ST7: variants seen among roughly 807,000 people sequenced by gnomAD.
ST7 encodes suppression of tumorigenicity 7.
Under a neutral mutation model 78.7 loss-of-function variants are expected in ST7, and 28 were observed. That is an observed-to-expected ratio of 0.36 (90% CI 0.26 to 0.49). The LOEUF (loss-of-function observed/expected upper bound fraction) is 0.49, where lower values mean the gene tolerates loss of function less well. ST7 is among the 20% of genes least tolerant of loss of function. The pLI is 0.99. For missense variants in ST7, 418 were observed against 696.0 expected (o/e 0.60, Z 4.49); for synonymous variants, 247 against 249.6 (o/e 0.99, Z 0.10).
chr7:117,226,084 A>G (rs1417678600), intron 15 of ST7, among the ~76,000 whole-genome samples: 1 of 151,964 alleles, frequency 6.6e-6, no homozygotes, highest in Non-Finnish European at 1.5e-5. Flanking sequence ...TCTGACTCTC[A>G]TGTTCACTTA....
At chr7:117,081,262 T>C (rs1466462925) in intron 1 of ST7, among the ~76,000 whole-genome samples, 2 of 152,136 alleles carry the variant, frequency 1.3e-5, no homozygotes, top group African/African-American at 2.4e-5. Flanking sequence ...AGTAGGTACC[T>C]AACATGGCCC....
intron 12 of ST7, among the ~76,000 whole-genome samples, chr7:117,192,684 G>C (rs1395898388): frequency 6.6e-6 from 1 of 152,114 alleles, no homozygotes; most frequent in Admixed American, 6.5e-5. Context: ...TGGGGCACAA[G>C]ACAGAAAATC....
chr7:117,167,979 G>A (rs1807698791), intron 9 of ST7, among the ~76,000 whole-genome samples: 1 of 152,242 alleles, frequency 6.6e-6, no homozygotes. Context: ...AGGAAGTTGT[G>A]GGCTTTTCTC....
At chr7:117,158,496 G>A (rs1202840267) in intron 9 of ST7, among the ~76,000 whole-genome samples, 1 of 152,158 alleles carries the variant, frequency 6.6e-6, no homozygotes, top group African/African-American at 2.4e-5. Context: ...CTTCTCTTTA[G>A]TTCTCAATGA....
chr7:117,015,593 T>C lies in ST7; in HGVS notation c.151+61902T>C, dbSNP rs1795567871. On this transcript the variant is annotated intron_variant, in intron 1 of 15. Coordinates refer to ENST00000323984, the MANE Select transcript of ST7 (RefSeq NM_001369598.1). ...TTTCTCAATCTCTAGTTTCACTGAATGGTAAATTGGTACATGTTTAGAAAT... is the reference window on the plus strand; with the variant it reads ...TTTCTCAATCTCTAGTTTCACTGAACGGTAAATTGGTACATGTTTAGAAAT... Among the ~76,000 whole-genome samples, 5 of 152,216 alleles carry C rather than the reference T, an allele frequency of 3.3e-5. No homozygotes were observed. In the South Asian group the frequency reaches 1.0e-3, roughly 32 times the overall value.
chr7:117,149,889 G>A (rs10270160), intron 9 of ST7, among the ~76,000 whole-genome samples: 10,791 of 152,026 alleles, frequency 0.071, 515 homozygotes, highest in East Asian at 0.19. Context: ...CGGGCAACTG[G>A]CTTATCATTT....
At chr7:117,142,482 A>G (rs1335051688) in intron 9 of ST7, among the ~76,000 whole-genome samples, 3 of 116,656 alleles carry the variant, frequency 2.6e-5, no homozygotes, top group African/African-American at 4.9e-5. Context: ...CCCAGTTGTG[A>G]AAAAAAAAAG....
intron 1 of ST7, among the ~76,000 whole-genome samples, chr7:117,022,666 G>T (rs909921458): frequency 3.3e-5 from 5 of 152,082 alleles, no homozygotes; most frequent in Non-Finnish European, 7.4e-5. Context: ...CTAAATTATC[G>T]TAAGAAATAC....
chr7:117,041,927 A>G (rs944384140), intron 1 of ST7, among the ~76,000 whole-genome samples: 1 of 152,212 alleles, frequency 6.6e-6, no homozygotes. Flanking sequence ...AAGGGTCCTT[A>G]AATGTCGAAG....
intron 1 of ST7, chr7:117,072,214 C>T (rs182467518): frequency 9.9e-5 from 15 of 152,244 alleles, no homozygotes; most frequent in African/African-American, 2.9e-4. Flanking sequence ...AAAAGAAATA[C>T]AGCATAGATC....
chr7:117,192,629 G>A (rs1262984985), intron 12 of ST7, among the ~76,000 whole-genome samples: 1 of 152,084 alleles, frequency 6.6e-6, no homozygotes, highest in African/African-American at 2.4e-5. Context: ...CTCATATCTA[G>A]GAACCAGATC....
At chr7:117,102,588 A>G (rs899449343) in intron 2 of ST7, among the ~76,000 whole-genome samples, 1 of 152,196 alleles carries the variant, frequency 6.6e-6, no homozygotes, top group Admixed American at 6.5e-5. Context: ...AACTTTATTA[A>G]TTAAAAAATA....
At chr7:117,047,176 C>T (rs1285041823) in intron 1 of ST7, among the ~76,000 whole-genome samples, 1 of 152,120 alleles carries the variant, frequency 6.6e-6, no homozygotes, top group Non-Finnish European at 1.5e-5. Flanking sequence ...TTTTGATGTT[C>T]TTATGGGTTC....
At chr7:117,194,166 A>G (rs1328464874) in intron 12 of ST7, among the ~76,000 whole-genome samples, 1 of 152,220 alleles carries the variant, frequency 6.6e-6, no homozygotes, top group Non-Finnish European at 1.5e-5. Context: ...ACTAGTAAAG[A>G]GGAAGCAAAC....
chr7:117,048,025 T>G (rs1010570895), intron 1 of ST7, among the ~76,000 whole-genome samples: 1 of 152,218 alleles, frequency 6.6e-6, no homozygotes, highest in African/African-American at 2.4e-5. Context: ...CAACGCATAT[T>G]TTGTATAAGT....
intron 1 of ST7, among the ~76,000 whole-genome samples, chr7:117,080,076 GT>G (rs1799650247): frequency 6.8e-6 from 1 of 145,998 alleles, no homozygotes; most frequent in African/African-American, 2.5e-5. Flanking sequence ...CGCCTCCCGG[GT>G]TCACGCCATT....
chr7:116,980,972 C>T (rs528511149), intron 1 of ST7, among the ~76,000 whole-genome samples: 1 of 152,172 alleles, frequency 6.6e-6, no homozygotes, highest in South Asian at 2.1e-4. Context: ...ATTTAGTAGC[C>T]GTGTCTCTCC....
intron 1 of ST7, among the ~76,000 whole-genome samples, chr7:117,006,892 G>A (rs1298283505): frequency 1.3e-5 from 2 of 152,130 alleles, no homozygotes; most frequent in Non-Finnish European, 2.9e-5. Flanking sequence ...TTGTTTTGGG[G>A]TGCCGCAAAC....
chr7:116,977,929 C>T (rs546527174), intron 1 of ST7, among the ~76,000 whole-genome samples: 2 of 152,344 alleles, frequency 1.3e-5, no homozygotes, highest in African/African-American at 4.8e-5. Flanking sequence ...TCTTTCTATA[C>T]TGTTATTTCT....
Sources: allele counts gnomAD v4.1 joint callset (sites outside exome capture counted in the v4.1 genomes callset), GRCh38; gene constraint gnomAD v4.1.1; transcripts MANE v1.5; gene names NCBI Gene and HGNC (gene_info 2026-07-23, HGNC 2026-07-21).